The following UBAC2 variants were observed in gnomAD, a reference collection of about 807,000 sequenced individuals.
The protein encoded by UBAC2 is ubiquitin-associated domain-containing protein 2.
Under a neutral mutation model 44.0 loss-of-function variants are expected in UBAC2, and 26 were observed. The ratio of observed to expected loss-of-function variants is 0.59; its 90% confidence interval spans 0.43 to 0.82. The LOEUF (loss-of-function observed/expected upper bound fraction) is 0.82. Ranked by LOEUF, UBAC2 falls within the 40% of genes least tolerant of loss-of-function variation. The pLI is 0.00. For synonymous variants in UBAC2, 155 were observed against 154.3 expected, an observed-to-expected ratio of 1.00 and a Z score of -0.04; for missense variants, 329 against 419.4, an observed-to-expected ratio of 0.78 and a Z score of 1.88.
intron 4 of UBAC2, among the ~76,000 whole-genome samples, chr13:99,270,591 AAAGT>A (rs1430899961): frequency 6.6e-6 from 1 of 152,244 alleles, no homozygotes; most frequent in Non-Finnish European, 1.5e-5. Flanking sequence ...CAAAACCCAG[AAAGT>A]AAGTAAGTAG....
At chr13:99,252,195 C>G (rs558549662) in intron 4 of UBAC2, among the ~76,000 whole-genome samples, 3 of 152,396 alleles carry the variant, frequency 2.0e-5, no homozygotes, top group Admixed American at 6.5e-5. Context: ...TTTCTGCTTC[C>G]TCTTGCCCTT....
chr13:99,279,409 G>C (rs1168922299), intron 4 of UBAC2, among the ~76,000 whole-genome samples: 1 of 152,140 alleles, frequency 6.6e-6, no homozygotes, highest in African/African-American at 2.4e-5. Context: ...AGCTGTCTTT[G>C]ACTACCCCCA....
intron 1 of UBAC2, among the ~76,000 whole-genome samples, chr13:99,213,689 GT>G (rs575355664): frequency 7.0e-4 from 106 of 151,932 alleles, no homozygotes; most frequent in Non-Finnish European, 6.6e-4. Flanking sequence ...ACTAAAATAA[GT>G]TTTTTTTGCA....
At chr13:99,296,326 A>C (rs2044172844) in intron 4 of UBAC2, among the ~76,000 whole-genome samples, 2 of 152,218 alleles carry the variant, frequency 1.3e-5, no homozygotes, top group Admixed American at 1.3e-4. Flanking sequence ...AACAGTTTAT[A>C]ATTATAATAT....
chr13:99,293,243 G>A (rs1057301948), intron 4 of UBAC2, among the ~76,000 whole-genome samples: 1 of 152,166 alleles, frequency 6.6e-6, no homozygotes, highest in African/African-American at 2.4e-5. Flanking sequence ...ATGTTATTCT[G>A]TTGTCAAATG....
At chr13:99,354,668 G>A (rs1472224945) in intron 7 of UBAC2, among the ~76,000 whole-genome samples, 1 of 152,152 alleles carries the variant, frequency 6.6e-6, no homozygotes, top group Non-Finnish European at 1.5e-5. Context: ...ATTTAGAGAA[G>A]TAATTTACGA....
At chr13:99,292,133 TTTTTC>T (rs1302594848) in intron 4 of UBAC2, among the ~76,000 whole-genome samples, 3 of 151,968 alleles carry the variant, frequency 2.0e-5, no homozygotes, top group Middle Eastern at 3.2e-3. Context: ...ATTCCTTTTT[TTTTTC>T]TTTTCTTTTT....
intron 4 of UBAC2, among the ~76,000 whole-genome samples, chr13:99,247,129 C>T (rs1204537709): frequency 2.0e-5 from 3 of 152,062 alleles, no homozygotes; most frequent in Non-Finnish European, 4.4e-5. Flanking sequence ...AGCCACTGCA[C>T]CCAGCCACAA....
chr13:99,336,322 GCTT>G (rs1260119702), intron 6 of UBAC2, among the ~76,000 whole-genome samples: 1 of 152,112 alleles, frequency 6.6e-6, no homozygotes, highest in African/African-American at 2.4e-5. Flanking sequence ...GCATACTACA[GCTT>G]TTAAATTGTA....
intron 6 of UBAC2, among the ~76,000 whole-genome samples, chr13:99,335,006 A>G (rs773716054): frequency 6.6e-6 from 1 of 152,234 alleles, no homozygotes; most frequent in Non-Finnish European, 1.5e-5. Context: ...AGACTTCTCT[A>G]TGAGTATTAC....
intron 7 of UBAC2, among the ~76,000 whole-genome samples, chr13:99,348,470 T>G (rs2045027313): frequency 6.6e-6 from 1 of 152,088 alleles, no homozygotes; most frequent in Non-Finnish European, 1.5e-5. Context: ...GCACAGGGGC[T>G]CAAAACAGCT....
chr13:99,358,945 G>T (rs538068690), intron 7 of UBAC2, among the ~76,000 whole-genome samples: 1 of 152,166 alleles, frequency 6.6e-6, no homozygotes, highest in Admixed American at 6.5e-5. Flanking sequence ...ACAGTGTTTG[G>T]GTTGGAGGTT....
At chr13:99,290,170 T>C (rs2044070626) in intron 4 of UBAC2, among the ~76,000 whole-genome samples, 2 of 152,238 alleles carry the variant, frequency 1.3e-5, no homozygotes, top group South Asian at 4.1e-4. Context: ...AGTTTCATCA[T>C]CTGGAAAGTG....
At chr13:99,280,740 T>G (rs2043941810) in intron 4 of UBAC2, among the ~76,000 whole-genome samples, 1 of 152,196 alleles carries the variant, frequency 6.6e-6, no homozygotes. Context: ...GCTAGTTGCT[T>G]CAGTTATTTT....
At chr13:99,208,284 A>C (rs2042898504) in intron 1 of UBAC2, among the ~76,000 whole-genome samples, 1 of 152,172 alleles carries the variant, frequency 6.6e-6, no homozygotes, top group Non-Finnish European at 1.5e-5. Flanking sequence ...GGCATGAGCC[A>C]CCATGCCCCA....
At chr13:99,303,966 A>G (rs946683819) in intron 4 of UBAC2, among the ~76,000 whole-genome samples, 2 of 152,086 alleles carry the variant, frequency 1.3e-5, no homozygotes, top group African/African-American at 2.4e-5. Flanking sequence ...GCTCTGCTGC[A>G]CATCCGTGTC....
chr13:99,291,769 T>C (rs1319317209), intron 4 of UBAC2, among the ~76,000 whole-genome samples: 3 of 152,216 alleles, frequency 2.0e-5, no homozygotes, highest in African/African-American at 7.2e-5. Flanking sequence ...TAATTGAATA[T>C]TTGGGTTGTT....
intron 4 of UBAC2, 108 bp downstream of exon 4, chr13:99,244,732 A>G: frequency 1.7e-6 from 1 of 601,268 alleles, no homozygotes; most frequent in Non-Finnish European, 2.7e-6. Context: ...ACTTCTAGAT[A>G]TAGTTAAATT....
At chr13:99,371,070 A>G (rs1259827156) in intron 8 of UBAC2, among the ~76,000 whole-genome samples, 1 of 151,962 alleles carries the variant, frequency 6.6e-6, no homozygotes, top group Non-Finnish European at 1.5e-5. Context: ...AAGGTGATAT[A>G]TTTCTCAGTT....
Sources: allele counts gnomAD v4.1 joint callset (sites outside exome capture counted in the v4.1 genomes callset), GRCh38; gene constraint gnomAD v4.1.1; transcripts MANE v1.5; gene names NCBI Gene and HGNC (gene_info 2026-07-23, HGNC 2026-07-21).